BCAN: variants seen among roughly 807,000 people sequenced by gnomAD.
BCAN encodes the protein brevican.
Under a neutral mutation model 92.4 loss-of-function variants are expected in BCAN, and 51 were observed. That is an observed-to-expected ratio of 0.55 (90% confidence interval 0.44 to 0.70). BCAN has a LOEUF of 0.70. Among genes scored for constraint, BCAN ranks in the 30% least tolerant of loss-of-function variants. The pLI is 0.00. For synonymous variants in BCAN, 501 were observed against 505.2 expected (o/e 0.99, Z 0.11); for missense variants, 1,140 against 1,212.1 (o/e 0.94, Z 0.88).
rs780606145 is a variant in BCAN, at chr1:156,646,860, G to A, written c.151G>A (p.Gly51Ser). Residue 51 changes from glycine (G) to serine (S), a missense_variant, in exon 3 of 14, where the codon GGC becomes AGC. Gly to Ser is a moderately conservative substitution (Grantham distance 56). Around this residue, in one of 3 missense-constraint regions of BCAN, gnomAD observed 286 missense variants for 284.1 expected, o/e 1.01. Transcript: ENST00000329117. ...GDAPLQGVLG[G>S]ALTIPCHVHY... is the part of the protein sequence containing the mutation. ...CGCGCCACTGCAGGGCGTGCTCGGC[G>A]GCGCCCTCACCATCCCTTGCCACGT... 15 of 1,607,668 alleles carry A rather than the reference G, an allele frequency of 9.3e-6. No individual in the cohort carries two copies. Among genetic ancestry groups the A allele is most frequent in the Non-Finnish European group, 1.3e-5 (15 of 1,177,104 alleles).
chr1:156,649,932 ACAGCTTTTGCCATGGGAACCCC>A, intron 6 of BCAN: 2 of 519,056 alleles, frequency 3.9e-6, no homozygotes, highest in Non-Finnish European at 7.7e-6. Context: ...GGATGAAGAC[ACAGCTTTTGCCATGGGAACCCC>A]CAGCAAAGGG....
Position 156,647,678 on chromosome 1 carries a change from G to T in BCAN, c.637G>T (p.Val213Leu), listed in dbSNP as rs1274471545. The change falls in exon 4 of 14, where the codon GTG (valine) becomes TTG (leucine). Residue 213 changes from valine to leucine, a missense_variant. Physicochemically the swap from Val to Leu is conservative, Grantham distance 32 (BLOSUM62 1). Transcript: ENST00000329117. The surrounding 1 kb of genome is among the most constrained non-coding windows in gnomAD (Gnocchi z 4.8). ...TGCTGGCTGGCTGTCGGATCAGACC[G>T]TGAGGTGGGCAGGGGCTGTGGATTG... ...CDAGWLSDQT[V>L]RYPIQTPREA... 1 of 1,587,670 alleles carries T rather than the reference G, an allele frequency of 6.3e-7. No individual in the cohort carries two copies. Among genetic ancestry groups the T allele is most frequent in the Admixed American group, 1.8e-5 (1 of 56,870 alleles).
rs114045915 is a variant in BCAN at position 156,658,066 on chromosome 1, C to G, written c.2293-61C>G. Reference sequence around the variant, plus strand: ...TCACCAGCCCTCCTCCCCAGATCCTCTAGGCCCTCTCCCGGTGCTCCTGGT... The same window carrying G: ...TCACCAGCCCTCCTCCCCAGATCCTGTAGGCCCTCTCCCGGTGCTCCTGGT... On this transcript the variant is annotated intron_variant, in intron 11 of 13. Coordinates refer to ENST00000329117, the MANE Select transcript of BCAN (RefSeq NM_021948.5). This position sits in a 1 kb window ranked among gnomAD's most constrained non-coding sequence, Gnocchi z 4.4. 5,988 of 1,579,752 alleles carry G rather than the reference C, an allele frequency of 3.8e-3. 190 individuals carry two copies. In the African/African-American group the frequency reaches 0.071, roughly 19 times the overall value.
chr1:156,656,232 C>T (rs765235954), intron 8 of BCAN, 50 bp from the exon 9 acceptor site: 4 of 1,333,514 alleles, frequency 3.0e-6, no homozygotes, highest in South Asian at 1.8e-5. Context: ...GCTCAGGCTG[C>T]AGAGTGCGGC....
At position 156,647,461 on chromosome 1, in the gene BCAN, A is replaced by G; in HGVS notation, c.467-47A>G. On this transcript the variant is annotated intron_variant, in intron 3 of 13. Coordinates refer to ENST00000329117, the MANE Select transcript of BCAN (RefSeq NM_021948.5). This position sits in a 1 kb window ranked among gnomAD's most constrained non-coding sequence, Gnocchi z 4.8. The stretch of plus-strand genomic sequence containing the variant: ...GTGACAAGGAGGGTGAGGGGAGGCC[A>G]GCGTGCTGGGTGCTCACCTGGCTCA... 1 of 1,502,338 alleles carries G rather than the reference A, an allele frequency of 6.7e-7. No homozygotes were observed. The highest frequency in any genetic ancestry group is 1.3e-5 in the South Asian group (1 of 75,052). 93.1% of individuals were successfully genotyped at this position (1,502,338 alleles called of 1,614,324 possible).
chr1:156,658,670 G>C lies in BCAN; in HGVS notation c.2565G>C (p.Leu855=). The C allele has an allele frequency of 1.2e-6, 2 of 1,614,180 alleles. No homozygotes were observed. The highest frequency in any genetic ancestry group is 4.5e-5 in the East Asian group (2 of 44,888). The part of the protein sequence containing the change: ...REGLAQRNLP[L]IRCQENGRWE... ...GACTGGCCCAGCGCAATCTGCCGCT[G>C]ATCCGATGCCAAGAGAACGGTCGTT... The change falls in exon 13 of 14, where the codon CTG becomes CTC. Residue 855 remains leucine (L), a synonymous_variant. Coordinates refer to ENST00000329117, the MANE Select transcript of BCAN (RefSeq NM_021948.5). This position sits in a 1 kb window ranked among gnomAD's most constrained non-coding sequence, Gnocchi z 4.4.
intron 6 of BCAN, chr1:156,650,045 T>C (rs1679110740): frequency 4.5e-6 from 2 of 443,256 alleles, no homozygotes; most frequent in Non-Finnish European, 9.0e-6. Context: ...TGTGGACATA[T>C]TTGGCTGGGG....
chr1:156,653,409 T>G, intron 8 of BCAN: 1 of 996,918 alleles, frequency 1.0e-6, no homozygotes, highest in Non-Finnish European at 1.2e-6. Flanking sequence ...GTGAAGTATT[T>G]TTTGACTGTT....
chr1:156,652,421 C>A lies in BCAN; in HGVS notation c.1471C>A (p.Pro491Thr). ...GCCCAGCGAGCTCAGCAGCCCGGGC[C>A]CTGAGGCCTCTCTCCCCACTGAGCC... The part of the protein sequence containing the change: ...AWPSELSSPG[P>T]EASLPTEPAA... The change falls in exon 8 of 14, where the codon CCT (proline) becomes ACT (threonine). Residue 491 changes from proline (P) to threonine (T), a missense_variant. Physicochemically the swap from Pro to Thr is conservative, Grantham distance 38 (BLOSUM62 -1). Around this residue, in one of 3 missense-constraint regions of BCAN, gnomAD observed 825 missense variants for 871.8 expected, o/e 0.95. Transcript: ENST00000329117. 1 of 1,605,038 alleles carries A rather than the reference C, an allele frequency of 6.2e-7. No homozygotes were observed. Among genetic ancestry groups the A allele is most frequent in the South Asian group, 1.1e-5 (1 of 90,010 alleles).
intron 8 of BCAN, among the ~76,000 whole-genome samples, chr1:156,655,697 G>A (rs1679301199): frequency 6.6e-6 from 1 of 152,158 alleles, no homozygotes; most frequent in Non-Finnish European, 1.5e-5. Flanking sequence ...AGGAGGAATG[G>A]TTAGTATTCA....
chr1:156,658,105 A>G lies in BCAN; in HGVS notation c.2293-22A>G, dbSNP rs746731112. ...GGTGCTCCTGGTGTAGGAGCTCCTC[A>G]CCACCTCCTCCGTTCCCCCAGCTCT... On this transcript the variant is annotated intron_variant, in intron 11 of 13. Transcript: ENST00000329117. This position sits in a 1 kb window ranked among gnomAD's most constrained non-coding sequence, Gnocchi z 4.4. 4 of 1,610,510 alleles carry G rather than the reference A, an allele frequency of 2.5e-6. No homozygotes were observed. Among genetic ancestry groups the G allele is most frequent in the Middle Eastern group, 1.7e-4 (1 of 6,056 alleles).
intron 6 of BCAN, among the ~76,000 whole-genome samples, chr1:156,651,065 T>G (rs963476102): frequency 6.6e-6 from 1 of 152,232 alleles, no homozygotes; most frequent in Non-Finnish European, 1.5e-5. Context: ...AGGGAATATC[T>G]CTCACCTGAG....
chr1:156,659,436 C>G lies in BCAN; in HGVS notation c.*302C>G, dbSNP rs1359651656. 1 of 360,278 alleles carries G rather than the reference C, an allele frequency of 2.8e-6. No individual in the cohort carries two copies. The highest frequency in any genetic ancestry group is 2.1e-5 in the African/African-American group (1 of 47,122). 22.3% of individuals were successfully genotyped at this position (360,278 alleles called of 1,614,324 possible). On this transcript the variant is annotated 3_prime_UTR_variant, in exon 14 of 14. Coordinates refer to ENST00000329117, the MANE Select transcript of BCAN (RefSeq NM_021948.5). ...CTCTATTCCTCTAGGGAGCACTGTG[C>G]CCACTCTTTCTGGGTTTTCCAAGGG... is the stretch of plus-strand genomic sequence containing the variant.
chr1:156,651,560 C>T lies in BCAN; in HGVS notation c.1168C>T (p.Leu390=). ...CACAGTGACAGAGACCCTGGAGGAA[C>T]TGCAGCTGCCTCAGGAAGCCACAGA... The part of the protein sequence containing the change: ...IVTVTETLEE[L]QLPQEATESE... The change falls in exon 7 of 14, where the codon CTG becomes TTG. Residue 390 remains leucine (L), a synonymous_variant. Transcript: ENST00000329117. 1.2e-6 allele frequency: 2 copies of T among 1,613,996 alleles called. No individual in the cohort carries two copies. Among genetic ancestry groups the T allele is most frequent in the Non-Finnish European group, 8.5e-7 (1 of 1,180,000 alleles).
At chr1:156,656,854 G>A (rs2102571844) in intron 9 of BCAN, 84 bp from the exon 10 acceptor site, 1 of 1,544,044 alleles carries the variant, frequency 6.5e-7, no homozygotes, top group Admixed American at 1.8e-5. Flanking sequence ...TCGGCCTGCG[G>A]TAGTGGAAGG....
rs576041225 is a variant in BCAN at position 156,646,224 on chromosome 1, A to G, written c.91+79A>G. 5 of 1,381,480 alleles carry G rather than the reference A, an allele frequency of 3.6e-6. No individual in the cohort carries two copies. The African/African-American group carries it at 7.2e-5, about 20-fold the overall frequency. 85.6% of individuals were successfully genotyped at this position (1,381,480 alleles called of 1,614,324 possible). A position where few individuals can be genotyped will look rare whatever the true frequency, so the allele number is the denominator to read the frequency against. ...TGCTTCCAGGCTTAGGGGCCCCAGGAAGAGAGAGAATTGGAGGGCTGTGGG... is the reference window on the plus strand; with the variant it reads ...TGCTTCCAGGCTTAGGGGCCCCAGGGAGAGAGAGAATTGGAGGGCTGTGGG... On this transcript the variant is annotated intron_variant, in intron 2 of 13. Coordinates refer to ENST00000329117, the MANE Select transcript of BCAN (RefSeq NM_021948.5).
Position 156,648,892 on chromosome 1 carries a change from C to G in BCAN, c.1063+31C>G. The G allele has an allele frequency of 1.3e-6, 2 of 1,527,822 alleles. 1 individual carries two copies. Among genetic ancestry groups the G allele is most frequent in the East Asian group, 4.6e-5 (2 of 43,844 alleles). The allele number at this position is 1,527,822 out of a possible 1,614,324, so 94.6% of individuals were successfully genotyped here. A position where few individuals can be genotyped will look rare whatever the true frequency, so the allele number is the denominator to read the frequency against. On this transcript the variant is annotated intron_variant, in intron 6 of 13. Coordinates refer to ENST00000329117, the MANE Select transcript of BCAN (RefSeq NM_021948.5). Reference sequence around the variant, plus strand: ...CCCACCTCCCTGCAGAAGCTGAGACCAATCTCAGAAAGGCAGAGTTGAGTC... The same window carrying G: ...CCCACCTCCCTGCAGAAGCTGAGACGAATCTCAGAAAGGCAGAGTTGAGTC...
At chr1:156,652,126 C>T (rs1469415442) in intron 7 of BCAN, 122 bp from the exon 8 acceptor site, 9 of 1,307,178 alleles carry the variant, frequency 6.9e-6, no homozygotes, top group East Asian at 4.7e-5. Flanking sequence ...GTCCTCAGGG[C>T]GGTCTCTTCC....
intron 8 of BCAN, 37 bp from the exon 9 acceptor site, chr1:156,656,245 C>G (rs780519674): frequency 2.1e-6 from 3 of 1,407,726 alleles, no homozygotes; most frequent in African/African-American, 1.5e-5. Flanking sequence ...AGTGCGGCTG[C>G]CTCGCTCCCC....
Sources: gnomAD v4.1 joint callset for allele counts (sites outside exome capture counted in the v4.1 genomes callset) on GRCh38, gnomAD v4.1.1 for gene constraint, gnomAD v4.1.1 regional missense constraint, Gnocchi (gnomAD v3.1) non-coding constraint, MANE v1.5 for transcripts, NCBI Gene and HGNC (gene_info 2026-07-23, HGNC 2026-07-21) for gene names.